The following NLGN4X variants were observed in gnomAD, a reference collection of about 807,000 sequenced individuals.
NLGN4X encodes the protein neuroligin 4 X-linked, also known as neuroligin-4, X-linked.
A neutral mutation model predicts 40.3 loss-of-function variants in NLGN4X; 3 were observed. The ratio of observed to expected loss-of-function variants is 0.07; its 90% confidence interval spans 0.03 to 0.19. The LOEUF is 0.19. Ranked by LOEUF, NLGN4X falls within the 10% of genes least tolerant of loss-of-function variation. NLGN4X has a pLI of 1.00. For missense variants in NLGN4X, 382 were observed against 708.3 expected, an observed-to-expected ratio of 0.54 and a Z score of 5.23; for synonymous variants, 270 against 306.8, an observed-to-expected ratio of 0.88 and a Z score of 1.25.
At chrX:6,096,704 G>A (rs1294742091) in intron 2 of NLGN4X, among the ~76,000 whole-genome samples, 1 of 111,848 alleles carries the variant, frequency 8.9e-6, no homozygotes, top group African/African-American at 3.3e-5. Context: ...CTCTCATCTG[G>A]AGGCCAACAT....
chrX:6,028,043 C>G (rs955537008), intron 3 of NLGN4X, among the ~76,000 whole-genome samples: 1 of 110,379 alleles, frequency 9.1e-6, no homozygotes, highest in African/African-American at 3.3e-5. Context: ...TTTCTAATTC[C>G]TGACCTCAAG....
intron 1 of NLGN4X, among the ~76,000 whole-genome samples, chrX:6,169,571 C>T (rs2040562990): frequency 8.9e-6 from 1 of 112,840 alleles, no homozygotes; most frequent in South Asian, 3.6e-4. Flanking sequence ...CCTTGGCCCT[C>T]GAGTTAAAGG....
intron 2 of NLGN4X, among the ~76,000 whole-genome samples, chrX:6,065,971 T>C (rs1377874086): frequency 9.8e-5 from 11 of 112,189 alleles, no homozygotes; most frequent in African/African-American, 3.2e-4. Context: ...GGTTTAAACA[T>C]AGTTATAACA....
intron 2 of NLGN4X, among the ~76,000 whole-genome samples, chrX:6,039,166 T>G (rs150275290): frequency 9.0e-6 from 1 of 111,098 alleles, no homozygotes; most frequent in Admixed American, 9.6e-5. Context: ...AAAGAAAAAA[T>G]ATAATGATGT....
At chrX:5,902,966 ATGTG>A (rs767078309) in intron 5 of NLGN4X, 107 bp downstream of exon 5, 22 of 840,280 alleles carry the variant, frequency 2.6e-5, no homozygotes, top group Non-Finnish European at 3.9e-5. Context: ...ATGCATGTGT[ATGTG>A]TGTGTATGCG....
chrX:6,034,478 G>A (rs2036950625), intron 2 of NLGN4X, among the ~76,000 whole-genome samples: 1 of 112,162 alleles, frequency 8.9e-6, no homozygotes. Context: ...ATGGATATAT[G>A]TTTTCATCTC....
chrX:6,049,302 G>A (rs1163589156), intron 2 of NLGN4X, among the ~76,000 whole-genome samples: 1 of 83,323 alleles, frequency 1.2e-5, no homozygotes, highest in Non-Finnish European at 2.3e-5. Context: ...CAAGAAAGCT[G>A]CTCTGATCCT....
At chrX:6,095,678 C>T (rs1207626455) in intron 2 of NLGN4X, among the ~76,000 whole-genome samples, 4 of 112,019 alleles carry the variant, frequency 3.6e-5, no homozygotes, top group African/African-American at 1.3e-4. Flanking sequence ...GAAGACAATG[C>T]TGCCCCCTCA....
chrX:6,214,322 CTT>C (rs1333763079), intron 1 of NLGN4X, among the ~76,000 whole-genome samples: 1 of 111,396 alleles, frequency 9.0e-6, no homozygotes, highest in South Asian at 3.9e-4. Flanking sequence ...TCATCTCTCT[CTT>C]GGAGAGTTGA....
At chrX:6,051,279 G>C (rs1265604485) in intron 2 of NLGN4X, among the ~76,000 whole-genome samples, 1 of 111,647 alleles carries the variant, frequency 9.0e-6, no homozygotes, top group Non-Finnish European at 1.9e-5. Context: ...AATATCTCAA[G>C]AGTTAACTGA....
chrX:6,033,434 T>C (rs1366640063), intron 2 of NLGN4X, among the ~76,000 whole-genome samples: 2 of 112,312 alleles, frequency 1.8e-5, no homozygotes, highest in African/African-American at 6.5e-5. Flanking sequence ...ATCTACTACA[T>C]GCAATAAATA....
intron 1 of NLGN4X, chrX:6,227,716 C>T (rs1310070689): frequency 1.8e-5 from 2 of 111,092 alleles, no homozygotes; most frequent in African/African-American, 6.6e-5. Context: ...GCGGGGTCTC[C>T]AGCGCGCCTG....
intron 4 of NLGN4X, among the ~76,000 whole-genome samples, chrX:5,908,773 T>C (rs2146759179): frequency 9.0e-6 from 1 of 111,713 alleles, no homozygotes; most frequent in East Asian, 2.8e-4. Flanking sequence ...CAGCCAGTAG[T>C]CCCAGGTATT....
At chrX:6,003,012 A>G (rs1485893844) in intron 3 of NLGN4X, among the ~76,000 whole-genome samples, 2 of 111,246 alleles carry the variant, frequency 1.8e-5, no homozygotes, top group Admixed American at 1.9e-4. Context: ...GCAATAAAAA[A>G]TCCCCTGCAT....
At chrX:6,124,902 T>A (rs1284090658) in intron 2 of NLGN4X, among the ~76,000 whole-genome samples, 1 of 111,915 alleles carries the variant, frequency 8.9e-6, no homozygotes, top group Non-Finnish European at 1.9e-5. Flanking sequence ...TCATAAAGAG[T>A]ACTTTAAAGA....
chrX:6,131,010 A>C (rs1224465779), intron 2 of NLGN4X, among the ~76,000 whole-genome samples: 1 of 111,638 alleles, frequency 9.0e-6, no homozygotes, highest in Admixed American at 9.6e-5. Context: ...TTTCTATTCC[A>C]AGCAATAGTA....
At chrX:5,993,430 G>A (rs754346056) in intron 3 of NLGN4X, among the ~76,000 whole-genome samples, 1 of 111,954 alleles carries the variant, frequency 8.9e-6, no homozygotes, top group African/African-American at 3.2e-5. Flanking sequence ...AGTGTCCTAC[G>A]AATTGTAGGA....
In NLGN4X at chrX:5,960,794, C is replaced by T. The variant is rs1349688900; in HGVS notation, c.626-51555G>A. On this transcript the variant is annotated intron_variant, in intron 3 of 5. Coordinates refer to ENST00000381095, the MANE Select transcript of NLGN4X (RefSeq NM_181332.3). ...TCATGATATAAAGTAGTTCCTTATT[C>T]TTCTTAATCAGTTTGCCATATGATC... Among the ~76,000 whole-genome samples, 4 of 111,203 alleles carry T rather than the reference C, an allele frequency of 3.6e-5. No individual in the cohort carries two copies. In the East Asian group the frequency reaches 1.1e-3, roughly 31 times the overall value.
rs773294542 is a variant in NLGN4X, at chrX:6,109,957, C to T, written c.472+41038G>A. On this transcript the variant is annotated intron_variant, in intron 2 of 5. Coordinates refer to ENST00000381095, the MANE Select transcript of NLGN4X (RefSeq NM_181332.3). ...TTAGGGGGTACAAATGTCAGCATCACCTGACTGGTTAATGTGCCTGGGAGG... is the reference window on the plus strand; with the variant it reads ...TTAGGGGGTACAAATGTCAGCATCATCTGACTGGTTAATGTGCCTGGGAGG... Among the ~76,000 whole-genome samples, 4 of 110,560 alleles carry T rather than the reference C, an allele frequency of 3.6e-5. No individual in the cohort carries two copies. In the South Asian group the frequency reaches 1.6e-3, roughly 43 times the overall value.
Sources: gnomAD v4.1 joint callset for allele counts (sites outside exome capture counted in the v4.1 genomes callset) on GRCh38, gnomAD v4.1.1 for gene constraint, MANE v1.5 for transcripts, NCBI Gene and HGNC (gene_info 2026-07-23, HGNC 2026-07-21) for gene names.